The following CSMD1 variants were observed in gnomAD, a reference collection of about 807,000 sequenced individuals.
CSMD1 encodes CUB and Sushi multiple domains 1.
A neutral mutation model predicts 417.5 loss-of-function variants in CSMD1; 213 were observed. The ratio of observed to expected loss-of-function variants is 0.51; its 90% CI spans 0.46 to 0.57. CSMD1 has a LOEUF of 0.57. CSMD1 is among the 20% of genes least tolerant of loss of function. CSMD1 has a pLI of 0.00. For synonymous variants in CSMD1, 2,862 were observed against 1,736.8 expected, an observed-to-expected ratio of 1.65 and a Z score of -16.11; for missense variants, 6,923 against 4,529.7, an observed-to-expected ratio of 1.53 and a Z score of -15.17.
chr8:4,277,963 T>C (rs1243604866), intron 3 of CSMD1, among the ~76,000 whole-genome samples: 1 of 152,144 alleles, frequency 6.6e-6, no homozygotes, highest in Non-Finnish European at 1.5e-5. Context: ...CTGGCCAGGC[T>C]GGTCTTGAAC....
intron 50 of CSMD1, among the ~76,000 whole-genome samples, chr8:3,037,741 G>C (rs917175098): frequency 4.6e-5 from 7 of 152,300 alleles, no homozygotes; most frequent in African/African-American, 1.4e-4. Flanking sequence ...TAGAATAAGA[G>C]TAGATGACCA....
chr8:3,172,871 A>G (rs1820670938), intron 37 of CSMD1, among the ~76,000 whole-genome samples: 2 of 152,284 alleles, frequency 1.3e-5, no homozygotes, highest in South Asian at 4.1e-4. Flanking sequence ...AGAAGCGGCA[A>G]TATTTATCTC....
At chr8:3,920,414 G>A (rs1030575236) in intron 5 of CSMD1, among the ~76,000 whole-genome samples, 1 of 151,886 alleles carries the variant, frequency 6.6e-6, no homozygotes, top group East Asian at 1.9e-4. Context: ...TTCTAAGACT[G>A]TAACATCTGA....
chr8:3,599,828 G>T (rs1801276432), intron 8 of CSMD1, among the ~76,000 whole-genome samples: 1 of 152,160 alleles, frequency 6.6e-6, no homozygotes, highest in South Asian at 2.1e-4. Context: ...AATCTGCTGG[G>T]AGCAACAGAT....
At chr8:3,565,888 A>G (rs767990725) in intron 10 of CSMD1, among the ~76,000 whole-genome samples, 3 of 152,296 alleles carry the variant, frequency 2.0e-5, no homozygotes, top group South Asian at 2.1e-4. Context: ...CATAGTTAGA[A>G]TAAGGCTCTA....
At chr8:4,182,049 T>G (rs937988217) in intron 3 of CSMD1, among the ~76,000 whole-genome samples, 1 of 151,676 alleles carries the variant, frequency 6.6e-6, no homozygotes, top group East Asian at 1.9e-4. Context: ...TGTGTCGGTG[T>G]GTGTGTGTGT....
chr8:3,005,358 T>C (rs1807794258), intron 52 of CSMD1, among the ~76,000 whole-genome samples: 1 of 152,218 alleles, frequency 6.6e-6, no homozygotes, highest in Non-Finnish European at 1.5e-5. Context: ...GAGGAACTGG[T>C]ACCATTCCTT....
At chr8:4,388,467 T>C (rs1263022063) in intron 3 of CSMD1, among the ~76,000 whole-genome samples, 1 of 151,232 alleles carries the variant, frequency 6.6e-6, no homozygotes, top group Admixed American at 6.6e-5. Context: ...AAAACAAACA[T>C]CATATGTTCT....
At chr8:3,638,377 G>T (rs184864863) in intron 7 of CSMD1, among the ~76,000 whole-genome samples, 1 of 151,904 alleles carries the variant, frequency 6.6e-6, no homozygotes, top group Non-Finnish European at 1.5e-5. Flanking sequence ...CTGTAGCCAG[G>T]TATCAGTTAT....
At chr8:3,141,067 G>T (rs971382963) in intron 41 of CSMD1, among the ~76,000 whole-genome samples, 1 of 152,144 alleles carries the variant, frequency 6.6e-6, no homozygotes, top group African/African-American at 2.4e-5. Flanking sequence ...GGGACTCTCT[G>T]TGTCCTGAAG....
chr8:3,093,039 T>A (rs1186543833), intron 47 of CSMD1, among the ~76,000 whole-genome samples: 3 of 152,198 alleles, frequency 2.0e-5, no homozygotes, highest in African/African-American at 7.2e-5. Flanking sequence ...GCAGTTCTCA[T>A]GATTTTTTTC....
Position 4,266,160 on chromosome 8 carries a change from C to A in CSMD1, c.415+153793G>T, listed in dbSNP as rs1156886902. 2.9e-5 allele frequency among the ~76,000 whole-genome samples: 3 copies of A among 104,532 alleles called. 1 individual carries two copies. The highest frequency in any genetic ancestry group is 7.7e-5 in the Non-Finnish European group (3 of 38,982). 68.6% of individuals were successfully genotyped at this position (104,532 alleles called of 152,430 possible). ...CTTTTTACTTCAGCTACTCATCTACCACCAAAAACCCAGTGTTATTCACCA... is the reference window on the plus strand; with the variant it reads ...CTTTTTACTTCAGCTACTCATCTACAACCAAAAACCCAGTGTTATTCACCA... On this transcript the variant is annotated intron_variant, in intron 3 of 69. Transcript: ENST00000635120.
chr8:3,513,163 T>A (rs1239742715), intron 10 of CSMD1, among the ~76,000 whole-genome samples: 1 of 152,026 alleles, frequency 6.6e-6, no homozygotes, highest in Non-Finnish European at 1.5e-5. Context: ...TCAGCTACAA[T>A]GCCTAGACTT....
chr8:3,172,328 G>T (rs753740285), intron 37 of CSMD1, among the ~76,000 whole-genome samples: 1 of 152,052 alleles, frequency 6.6e-6, no homozygotes, highest in Non-Finnish European at 1.5e-5. Flanking sequence ...TTTGGCTACA[G>T]CGTTTTTTTC....
At chr8:3,658,038 A>G (rs976323988) in intron 7 of CSMD1, among the ~76,000 whole-genome samples, 1 of 152,200 alleles carries the variant, frequency 6.6e-6, no homozygotes, top group Non-Finnish European at 1.5e-5. Flanking sequence ...TCGTCTTGAA[A>G]TACTCAGAGC....
At chr8:4,844,927 T>A (rs1801046435) in intron 1 of CSMD1, among the ~76,000 whole-genome samples, 1 of 152,172 alleles carries the variant, frequency 6.6e-6, no homozygotes, top group African/African-American at 2.4e-5. Context: ...ACTTCGTGTT[T>A]CCCAAATAGA....
At position 2,950,318 on chromosome 8, in the gene CSMD1, G is replaced by C; in HGVS notation, c.10227C>G (p.His3409Gln). The C allele has an allele frequency of 1.2e-6, 2 of 1,613,172 alleles. No individual in the cohort carries two copies. The highest frequency in any genetic ancestry group is 1.3e-5 in the African/African-American group (1 of 75,036). Residue 3409 changes from histidine to glutamine, a missense_variant, in exon 67 of 70, where the codon CAC becomes CAG. Physicochemically the swap from His to Gln is conservative, Grantham distance 24 (BLOSUM62 0). Coordinates refer to ENST00000635120, the MANE Select transcript of CSMD1 (RefSeq NM_033225.6). ...LTGIYKKEEAHLLLKAFQIKG... is the reference protein window; with the variant it reads ...LTGIYKKEEAQLLLKAFQIKG... ...TAATTTGAAAAGCTTTCAGGAGTAA[G>C]TGGGCCTCCTCCTTCTTGTAAATGC...
chr8:2,955,615 C>T lies in CSMD1; in HGVS notation c.9968G>A (p.Trp3323Ter), dbSNP rs1296676391. The change falls in exon 64 of 70, where the codon TGG becomes TAG. Residue 3323 changes from tryptophan to a stop codon, truncating the protein, a stop_gained. Transcript: ENST00000635120. LOFTEE classifies it high-confidence loss of function. Reference sequence around the variant, plus strand: ...TTTACACACAGGCGACTTTCCTGTCCATTTCATGTCTGCTTTACATGTTCT... The same window carrying T: ...TTTACACACAGGCGACTTTCCTGTCTATTTCATGTCTGCTTTACATGTTCT... ...EHRTCKADMK[W>*]TGKSPVCKSK... 1.2e-6 allele frequency: 2 copies of T among 1,613,630 alleles called. No individual in the cohort carries two copies. The highest frequency in any genetic ancestry group is 1.7e-6 in the Non-Finnish European group (2 of 1,179,762).
intron 1 of CSMD1, among the ~76,000 whole-genome samples, chr8:4,756,628 C>G (rs1811684561): frequency 6.6e-6 from 1 of 152,194 alleles, no homozygotes; most frequent in African/African-American, 2.4e-5. Flanking sequence ...CTAATTGTCT[C>G]ACTCCAGGAT....
Sources: allele counts gnomAD v4.1 joint callset (sites outside exome capture counted in the v4.1 genomes callset), GRCh38; gene constraint gnomAD v4.1.1; transcripts MANE v1.5; gene names NCBI Gene and HGNC (gene_info 2026-07-23, HGNC 2026-07-21).